NETO1: variants seen among roughly 807,000 people sequenced by gnomAD.
The protein encoded by NETO1 is neuropilin and tolloid like 1.
In NETO1, 26 loss-of-function variants were observed where a neutral mutation model predicts 61.3. The observed-to-expected ratio is 0.42, with a 90% CI of 0.31 to 0.59. NETO1 has a LOEUF of 0.59. Among genes scored for constraint, NETO1 ranks in the 20% least tolerant of loss-of-function variants. The pLI is 0.12. For synonymous variants in NETO1, 225 were observed against 225.8 expected (o/e 1.00, Z 0.03); for missense variants, 531 against 662.8 (o/e 0.80, Z 2.18).
chr18:72,800,644 C>T (rs2072474107), intron 4 of NETO1, among the ~76,000 whole-genome samples: 1 of 151,438 alleles, frequency 6.6e-6, no homozygotes, highest in African/African-American at 2.4e-5. Context: ...ATCTGGAAAC[C>T]ATCCCCCACC....
intron 4 of NETO1, among the ~76,000 whole-genome samples, chr18:72,845,775 C>T (rs1355889826): frequency 6.6e-6 from 1 of 152,154 alleles, no homozygotes; most frequent in Non-Finnish European, 1.5e-5. Context: ...AAACCATACA[C>T]TAAATGTGAG....
intron 4 of NETO1, among the ~76,000 whole-genome samples, chr18:72,848,865 T>A (rs1281136839): frequency 2.0e-5 from 3 of 152,226 alleles, no homozygotes; most frequent in Admixed American, 1.3e-4. Context: ...TAGTTCAAGA[T>A]GGCAACCTTT....
intron 7 of NETO1, among the ~76,000 whole-genome samples, chr18:72,777,585 CA>C (rs10716435): frequency 0.75 from 113,793 of 151,204 alleles, 42,909 homozygotes; most frequent in Admixed American, 0.81. Context: ...CTAAAAAATA[CA>C]AAAAAAATTA....
intron 4 of NETO1, among the ~76,000 whole-genome samples, chr18:72,826,048 T>C (rs1379165714): frequency 1.3e-5 from 2 of 152,184 alleles, no homozygotes; most frequent in Non-Finnish European, 2.9e-5. Context: ...TTTGAAGTCT[T>C]TCATATAACT....
At chr18:72,807,753 CA>C (rs59517356) in intron 4 of NETO1, among the ~76,000 whole-genome samples, 1 of 20,876 alleles carries the variant, frequency 4.8e-5, no homozygotes, top group African/African-American at 5.9e-5. Context: ...CACACACACA[CA>C]CCCATACTGT....
chr18:72,792,105 A>G (rs1325561115), intron 6 of NETO1, among the ~76,000 whole-genome samples: 3 of 152,148 alleles, frequency 2.0e-5, no homozygotes, highest in African/African-American at 7.2e-5. Context: ...ACATTCAAGA[A>G]AAAAGTCAAG....
At chr18:72,851,879 G>A (rs987334058) in intron 4 of NETO1, among the ~76,000 whole-genome samples, 28 of 152,136 alleles carry the variant, frequency 1.8e-4, no homozygotes, top group Admixed American at 6.5e-5. Context: ...TATCAGCACC[G>A]TGCTTATATA....
rs758138215 is a variant in NETO1, at chr18:72,858,816, A to T, written c.469+10T>A. 1.3e-6 allele frequency: 2 copies of T among 1,584,000 alleles called. No homozygotes were observed. Among genetic ancestry groups the T allele is most frequent in the Admixed American group, 1.9e-5 (1 of 51,890 alleles). ...AGAAAAAGAAATTTTTTTTTTAAGTACTTACTTACCAGGTGTGAAATTGTA... is the reference window on the plus strand; with the variant it reads ...AGAAAAAGAAATTTTTTTTTTAAGTTCTTACTTACCAGGTGTGAAATTGTA... On this transcript the variant is annotated intron_variant, in intron 4 of 10. Transcript: ENST00000327305.
chr18:72,750,665 A>G, intron 8 of NETO1, 45 bp from the exon 9 acceptor site: 2 of 1,371,648 alleles, frequency 1.5e-6, no homozygotes, highest in Non-Finnish European at 2.0e-6. Flanking sequence ...CAAAAGAAGA[A>G]GCAACGCAGC....
chr18:72,770,257 T>C (rs2145172169), intron 7 of NETO1, among the ~76,000 whole-genome samples: 1 of 152,234 alleles, frequency 6.6e-6, no homozygotes, highest in East Asian at 1.9e-4. Flanking sequence ...TATTTTTGAA[T>C]ATAATCATTA....
At chr18:72,826,906 A>G (rs932173715) in intron 4 of NETO1, among the ~76,000 whole-genome samples, 1 of 152,084 alleles carries the variant, frequency 6.6e-6, no homozygotes, top group Non-Finnish European at 1.5e-5. Flanking sequence ...GAAGCACTGA[A>G]GATCAACCCA....
In NETO1 at chr18:72,754,519, T is replaced by C. The variant is rs113253475; in HGVS notation, c.982+1515A>G. Among the ~76,000 whole-genome samples the C allele has an allele frequency of 7.9e-3, 1,209 of 152,162 alleles. 9 individuals carry two copies. The highest frequency in any genetic ancestry group is 0.011 in the Non-Finnish European group (780 of 67,988). On this transcript the variant is annotated intron_variant, in intron 8 of 10. Coordinates refer to ENST00000327305, the MANE Select transcript of NETO1 (RefSeq NM_138966.5). Reference sequence around the variant, plus strand: ...AATGGAAACCAAACCATAAGAAAGATGTAGTGGCTATACTAATGCCAGAAA... The same window carrying C: ...AATGGAAACCAAACCATAAGAAAGACGTAGTGGCTATACTAATGCCAGAAA...
At chr18:72,770,208 T>C (rs949007277) in intron 7 of NETO1, among the ~76,000 whole-genome samples, 4 of 152,050 alleles carry the variant, frequency 2.6e-5, no homozygotes, top group Non-Finnish European at 4.4e-5. Flanking sequence ...ATTATGCACA[T>C]TTTGGCCCCA....
At chr18:72,764,949 G>C (rs892033656) in intron 7 of NETO1, among the ~76,000 whole-genome samples, 2 of 152,222 alleles carry the variant, frequency 1.3e-5, no homozygotes, top group Middle Eastern at 3.4e-3. Context: ...CCACTGCTGT[G>C]AATGAGCCAG....
chr18:72,817,077 G>T (rs952711914), intron 4 of NETO1, among the ~76,000 whole-genome samples: 4 of 152,230 alleles, frequency 2.6e-5, no homozygotes, highest in African/African-American at 9.6e-5. Context: ...AGGGATGACA[G>T]TTTCCCATCA....
chr18:72,769,939 G>A (rs12959556), intron 7 of NETO1, among the ~76,000 whole-genome samples: 48,989 of 151,774 alleles, frequency 0.32, 8,534 homozygotes, highest in South Asian at 0.47. Context: ...TTCTGATTCA[G>A]AGGTGATATT....
chr18:72,780,660 A>G (rs915517384), intron 7 of NETO1, among the ~76,000 whole-genome samples: 1 of 152,200 alleles, frequency 6.6e-6, no homozygotes, highest in South Asian at 2.1e-4. Flanking sequence ...CAAATTTTGA[A>G]TATCACAACT....
intron 4 of NETO1, among the ~76,000 whole-genome samples, chr18:72,819,976 G>T (rs1805026216): frequency 6.6e-6 from 1 of 152,098 alleles, no homozygotes; most frequent in Non-Finnish European, 1.5e-5. Context: ...GTTGGTGAGA[G>T]ATGCATGCAA....
intron 7 of NETO1, among the ~76,000 whole-genome samples, chr18:72,760,752 C>T (rs964042446): frequency 4.9e-5 from 7 of 142,548 alleles, no homozygotes; most frequent in Admixed American, 3.5e-4. Flanking sequence ...ACAAACATTA[C>T]AAGACAGAAT....
Sources: gnomAD v4.1 joint callset for allele counts (sites outside exome capture counted in the v4.1 genomes callset) on GRCh38, gnomAD v4.1.1 for gene constraint, MANE v1.5 for transcripts, NCBI Gene and HGNC (gene_info 2026-07-23, HGNC 2026-07-21) for gene names.